Variants in SLC29A3 observed in about 807,000 individuals in gnomAD.
SLC29A3 encodes the protein solute carrier family 29 member 3.
SLC29A3 carries 18 observed loss-of-function variants against 25.4 expected under a neutral mutation model. The ratio of observed to expected loss-of-function variants is 0.71; its 90% CI spans 0.49 to 1.05. The LOEUF (loss-of-function observed/expected upper bound fraction) is 1.05. Ranked by LOEUF, SLC29A3 falls within the 50% of genes least tolerant of loss-of-function variation. SLC29A3 has a pLI of 0.00. For missense variants in SLC29A3, 586 were observed against 609.0 expected (o/e 0.96, Z 0.40); for synonymous variants, 258 against 267.1 (o/e 0.97, Z 0.33).
chr10:71,335,092 C>T (rs1335019049), intron 2 of SLC29A3, among the ~76,000 whole-genome samples: 1 of 151,944 alleles, frequency 6.6e-6, no homozygotes, highest in Non-Finnish European at 1.5e-5. Context: ...CTGCCTTTCA[C>T]CTTTAGTGAG....
In SLC29A3 at chr10:71,362,348, A is replaced by G; in HGVS notation, c.1168A>G (p.Ile390Val). The change falls in exon 6 of 6, where the codon ATC (isoleucine) becomes GTC (valine). Residue 390 changes from isoleucine (I) to valine (V), a missense_variant. Coordinates refer to ENST00000373189, the MANE Select transcript of SLC29A3 (RefSeq NM_018344.6). The stretch of plus-strand genomic sequence containing the variant: ...GTTCGTGCTCCTCCGGACCTGCCTC[A>G]TCCCCCTCTTCGTGCTCTGTAACTA... The part of the protein sequence containing the change: ...PGFVLLRTCL[I>V]PLFVLCNYQP... 6.2e-7 allele frequency: 1 copy of G among 1,614,076 alleles called. No homozygotes were observed.
intron 3 of SLC29A3, among the ~76,000 whole-genome samples, chr10:71,348,675 G>C (rs552160477): frequency 1.3e-4 from 20 of 152,134 alleles, no homozygotes; most frequent in African/African-American, 4.8e-4. Context: ...TAGATGCTCC[G>C]GGCCGCCAAG....
At chr10:71,351,519 G>A in intron 3 of SLC29A3, 43 bp from the exon 4 acceptor site, 2 of 1,586,896 alleles carry the variant, frequency 1.3e-6, no homozygotes, top group Non-Finnish European at 1.7e-6. Context: ...CCACACAGGA[G>A]CCCCGAAGGG....
chr10:71,344,595 C>G (rs1846514608), intron 3 of SLC29A3, among the ~76,000 whole-genome samples: 1 of 152,198 alleles, frequency 6.6e-6, no homozygotes, highest in Non-Finnish European at 1.5e-5. Flanking sequence ...GGGATCCTGT[C>G]AGTCTGCAAG....
intron 2 of SLC29A3, among the ~76,000 whole-genome samples, chr10:71,327,397 A>C (rs763516699): frequency 5.9e-5 from 9 of 152,204 alleles, no homozygotes; most frequent in Admixed American, 2.0e-4. Flanking sequence ...TTTAGAGCAT[A>C]AATGAGGAAG....
Position 71,319,320 on chromosome 10 carries a change from G to T in SLC29A3, c.1+10G>T. On this transcript the variant is annotated intron_variant, in intron 1 of 5. Transcript: ENST00000373189. ...TGGCGCAGCGGCGACAGTAAGTGCG[G>T]GCCGGCTCGGGCTCTTCCGGCTACG... 1.5e-6 allele frequency: 1 copy of T among 646,844 alleles called. No homozygotes were observed. The allele number at this position is 646,844 out of a possible 1,614,324, so 40.1% of individuals were successfully genotyped here.
At chr10:71,347,013 C>G (rs1359254562) in intron 3 of SLC29A3, among the ~76,000 whole-genome samples, 2 of 152,164 alleles carry the variant, frequency 1.3e-5, no homozygotes, top group African/African-American at 4.8e-5. Context: ...CCTGGCCTGC[C>G]CCTGCTCCTC....
intron 3 of SLC29A3, among the ~76,000 whole-genome samples, chr10:71,350,314 CGTGTGTGTGTGTGTGTGT>C (rs775651402): frequency 7.0e-6 from 1 of 142,470 alleles, no homozygotes; most frequent in Non-Finnish European, 1.5e-5. Context: ...TTCACACCTA[CGTGTGTGTGTGTGTGTGT>C]GTGTGTGTGT....
chr10:71,358,992 C>A (rs1484875937), intron 5 of SLC29A3, among the ~76,000 whole-genome samples: 3 of 152,182 alleles, frequency 2.0e-5, no homozygotes, highest in African/African-American at 7.2e-5. Context: ...CTCACGGCAG[C>A]CTTTATCTCC....
chr10:71,361,156 T>C (rs941766892), intron 5 of SLC29A3, among the ~76,000 whole-genome samples: 2 of 152,060 alleles, frequency 1.3e-5, no homozygotes, highest in African/African-American at 2.4e-5. Context: ...TGTTTTGTTT[T>C]GTTGAGACAG....
At chr10:71,370,800 A>G (rs1847206445) in intron 3 of SLC29A3, among the ~76,000 whole-genome samples, 1 of 152,174 alleles carries the variant, frequency 6.6e-6, no homozygotes, top group African/African-American at 2.4e-5. Flanking sequence ...ATTGATACAT[A>G]ATAGAGGTAT....
chr10:71,337,196 C>T (rs1846275088), intron 2 of SLC29A3, among the ~76,000 whole-genome samples: 1 of 152,180 alleles, frequency 6.6e-6, no homozygotes, highest in Admixed American at 6.5e-5. Context: ...TGCCCTTGGC[C>T]ACACACCCAT....
At chr10:71,331,635 T>C (rs1041482906) in intron 2 of SLC29A3, among the ~76,000 whole-genome samples, 4 of 152,202 alleles carry the variant, frequency 2.6e-5, no homozygotes, top group Non-Finnish European at 4.4e-5. Context: ...TTAAATAGAA[T>C]AAAATAAAAT....
chr10:71,356,652 C>T (rs1243725078), intron 5 of SLC29A3, among the ~76,000 whole-genome samples: 1 of 152,018 alleles, frequency 6.6e-6, no homozygotes, highest in Non-Finnish European at 1.5e-5. Context: ...CACAGTGAGA[C>T]CCTGTCTCTA....
intron 2 of SLC29A3, among the ~76,000 whole-genome samples, chr10:71,324,807 G>T (rs973956092): frequency 2.6e-5 from 4 of 152,094 alleles, no homozygotes; most frequent in African/African-American, 9.7e-5. Context: ...TCTCAAAGGT[G>T]GGGGGATGCT....
rs1028966922 is a variant in SLC29A3, at chr10:71,319,270, C to T, written c.-40C>T. ...CGCCTGCCAAGCCCAGTGGTCCTGG[C>T]CGTGCGCCGGAGGCAGCGGCGGCGT... On this transcript the variant is annotated 5_prime_UTR_variant, in exon 1 of 6. Transcript: ENST00000373189. 13 of 616,118 alleles carry T rather than the reference C, an allele frequency of 2.1e-5. No homozygotes were observed. The highest frequency in any genetic ancestry group is 1.4e-4 in the South Asian group (8 of 57,366). 38.2% of individuals were successfully genotyped at this position (616,118 alleles called of 1,614,324 possible). A position where few individuals can be genotyped will look rare whatever the true frequency, so the allele number is the denominator to read the frequency against.
intron 5 of SLC29A3, among the ~76,000 whole-genome samples, chr10:71,360,060 G>A (rs761974646): frequency 2.0e-4 from 30 of 151,746 alleles, no homozygotes; most frequent in Non-Finnish European, 3.4e-4. Context: ...TGTGTTGAAG[G>A]GCTACTCCGT....
chr10:71,329,389 C>T (rs774710542), intron 2 of SLC29A3, among the ~76,000 whole-genome samples: 1 of 146,934 alleles, frequency 6.8e-6, no homozygotes, highest in Non-Finnish European at 1.5e-5. Context: ...ACCTGGGAGG[C>T]AGAGGCTGCA....
chr10:71,342,784 A>G (rs946751634), intron 2 of SLC29A3, among the ~76,000 whole-genome samples: 3 of 152,224 alleles, frequency 2.0e-5, no homozygotes, highest in South Asian at 2.1e-4. Context: ...GGCAGGAACA[A>G]TGAGGTGCAG....
Sources: allele counts gnomAD v4.1 joint callset (sites outside exome capture counted in the v4.1 genomes callset), GRCh38; gene constraint gnomAD v4.1.1; transcripts MANE v1.5; gene names NCBI Gene and HGNC (gene_info 2026-07-23, HGNC 2026-07-21).